The following AGAP1 variants were observed in gnomAD, a reference collection of about 807,000 sequenced individuals.
AGAP1 encodes the protein arf-GAP with GTPase, ANK repeat and PH domain-containing protein 1.
Under a neutral mutation model 105.3 loss-of-function variants are expected in AGAP1, and 29 were observed. The ratio of observed to expected loss-of-function variants is 0.28; its 90% confidence interval spans 0.21 to 0.38. AGAP1 has a LOEUF of 0.38. AGAP1 is among the 10% of genes least tolerant of loss of function. The pLI, the probability that AGAP1 is intolerant of heterozygous loss-of-function variation, is 1.00. For synonymous variants in AGAP1, 509 were observed against 485.9 expected (o/e 1.05, Z -0.63); for missense variants, 998 against 1,165.1 (o/e 0.86, Z 2.09).
intron 13 of AGAP1, among the ~76,000 whole-genome samples, chr2:235,998,687 G>A (rs1189975525): frequency 6.7e-6 from 1 of 150,176 alleles, no homozygotes; most frequent in Non-Finnish European, 1.5e-5. Flanking sequence ...GACGATGGTG[G>A]TGGTGGTAGC....
intron 1 of AGAP1, among the ~76,000 whole-genome samples, chr2:235,676,533 A>G (rs561562663): frequency 0.016 from 2,366 of 152,316 alleles, 64 homozygotes; most frequent in African/African-American, 0.05. Context: ...TACCAGGTAG[A>G]GAAGAGTGAC....
chr2:235,987,698 T>G (rs1466545808), intron 13 of AGAP1, among the ~76,000 whole-genome samples: 2 of 152,214 alleles, frequency 1.3e-5, no homozygotes, highest in Non-Finnish European at 2.9e-5. Context: ...GAGATTCTGG[T>G]AAGTTATCTC....
rs758249032 is a variant in AGAP1 at position 235,872,303 on chromosome 2, T to C, written c.1051-11042T>C. On this transcript the variant is annotated intron_variant, in intron 9 of 17. Transcript: ENST00000304032. This position sits in a 1 kb window ranked among gnomAD's most constrained non-coding sequence, Gnocchi z 4.5. Reference sequence around the variant, plus strand: ...AATAAATGCCGAAGCCACATAGGAGTCAAAGAAAGCGTTAACTGTAATTGA... The same window carrying C: ...AATAAATGCCGAAGCCACATAGGAGCCAAAGAAAGCGTTAACTGTAATTGA... Among the ~76,000 whole-genome samples the C allele has an allele frequency of 2.5e-4, 38 of 150,258 alleles. No individual in the cohort carries two copies. Among genetic ancestry groups the C allele is most frequent in the Non-Finnish European group, 4.9e-4 (33 of 67,518 alleles).
chr2:235,500,433 C>T (rs765936523), intron 1 of AGAP1, among the ~76,000 whole-genome samples: 2 of 152,190 alleles, frequency 1.3e-5, no homozygotes, highest in Non-Finnish European at 2.9e-5. Context: ...ATGCGGATGC[C>T]CTGGTCCAGG....
At chr2:235,529,842 C>T (rs1174613483) in intron 1 of AGAP1, among the ~76,000 whole-genome samples, 1 of 152,160 alleles carries the variant, frequency 6.6e-6, no homozygotes, top group Non-Finnish European at 1.5e-5. Context: ...GAGCTTGGAG[C>T]TGGGGTTGTA....
chr2:235,551,836 A>G lies in AGAP1; in HGVS notation c.163+56987A>G, dbSNP rs1461194215. 6.6e-6 allele frequency among the ~76,000 whole-genome samples: 1 copy of G among 152,156 alleles called. No homozygotes were observed. Among genetic ancestry groups the G allele is most frequent in the Admixed American group, 6.5e-5 (1 of 15,268 alleles). ...AGAAAGAGGGTCCTCTGGAGAACAC[A>G]AACTGAGCGTTGCTGGGCCTCAGGA... is the stretch of plus-strand genomic sequence containing the variant. On this transcript the variant is annotated intron_variant, in intron 1 of 17. Transcript: ENST00000304032. The surrounding 1 kb of genome is among the most constrained non-coding windows in gnomAD (Gnocchi z 4.8).
intron 1 of AGAP1, among the ~76,000 whole-genome samples, chr2:235,651,655 C>T (rs1947599259): frequency 6.6e-6 from 1 of 152,066 alleles, no homozygotes; most frequent in South Asian, 2.1e-4. Context: ...GGTGGGTGGG[C>T]TGGGAGTGAG....
rs1955292037 is a variant in AGAP1 at position 235,769,981 on chromosome 2, T to C, written c.673+19493T>C. Among the ~76,000 whole-genome samples the C allele has an allele frequency of 6.6e-6, 1 of 152,236 alleles. No individual in the cohort carries two copies. The highest frequency in any genetic ancestry group is 6.5e-5 in the Admixed American group (1 of 15,286). ...ATTAGCAAGTGTATCTCATATCTTC[T>C]GAATACACACATTTAAACATGTTTT... On this transcript the variant is annotated intron_variant, in intron 6 of 17. Transcript: ENST00000304032. The surrounding 1 kb of genome is among the most constrained non-coding windows in gnomAD (Gnocchi z 4.4).
intron 1 of AGAP1, among the ~76,000 whole-genome samples, chr2:235,561,960 T>G (rs1944167846): frequency 6.6e-6 from 1 of 152,196 alleles, no homozygotes; most frequent in Admixed American, 6.5e-5. Context: ...ATGGACTATC[T>G]TGAGGTTTTT....
intron 1 of AGAP1, among the ~76,000 whole-genome samples, chr2:235,637,429 T>C (rs938001048): frequency 6.6e-6 from 1 of 151,612 alleles, no homozygotes; most frequent in African/African-American, 2.4e-5. Flanking sequence ...CATGCCACCA[T>C]GCCTAGCTAA....
chr2:236,092,393 GTTTGT>G lies in AGAP1; in HGVS notation c.2115-27786_2115-27782del, dbSNP rs967518116. ...TCTGTATTATTTCTTTTTCTTTTTT[GTTTGT>G]TTTGTTTTGTTTGTGACAGAGTCTC... On this transcript the variant is annotated intron_variant, in intron 16 of 17. Coordinates refer to ENST00000304032, the MANE Select transcript of AGAP1 (RefSeq NM_001037131.3). The surrounding 1 kb of genome is among the most constrained non-coding windows in gnomAD (Gnocchi z 4.7). Among the ~76,000 whole-genome samples, 1 of 151,858 alleles carries G rather than the reference GTTTGT, an allele frequency of 6.6e-6. No homozygotes were observed. Among genetic ancestry groups the G allele is most frequent in the Non-Finnish European group, 1.5e-5 (1 of 67,950 alleles).
chr2:235,993,065 A>G lies in AGAP1; in HGVS notation c.1645+24442A>G, dbSNP rs538041076. 1.9e-4 allele frequency among the ~76,000 whole-genome samples: 29 copies of G among 152,336 alleles called. No homozygotes were observed. Among genetic ancestry groups the G allele is most frequent in the African/African-American group, 6.7e-4 (28 of 41,580 alleles). Reference sequence around the variant, plus strand: ...AGACATGGACTTTTTTCATATGTACATCTGAAAATGACTTTAGCAGAGATT... The same window carrying G: ...AGACATGGACTTTTTTCATATGTACGTCTGAAAATGACTTTAGCAGAGATT... On this transcript the variant is annotated intron_variant, in intron 13 of 17. Transcript: ENST00000304032. The surrounding 1 kb of genome is among the most constrained non-coding windows in gnomAD (Gnocchi z 5.0).
At chr2:235,770,367 C>A (rs1955341309) in intron 6 of AGAP1, among the ~76,000 whole-genome samples, 1 of 151,952 alleles carries the variant, frequency 6.6e-6, no homozygotes, top group African/African-American at 2.4e-5. Context: ...GATCTCCTGA[C>A]CTCATGATCT....
rs1209094958 is a variant in AGAP1 at position 236,095,727 on chromosome 2, CTT to C, written c.2115-24462_2115-24461del. On this transcript the variant is annotated intron_variant, in intron 16 of 17. Coordinates refer to ENST00000304032, the MANE Select transcript of AGAP1 (RefSeq NM_001037131.3). This position sits in a 1 kb window ranked among gnomAD's most constrained non-coding sequence, Gnocchi z 4.1. ...GACAATGTAAAATTGTGGGAAAAAA[CTT>C]TTAAAAATTTTGACATATGAAGAAG... Among the ~76,000 whole-genome samples, 1 of 152,084 alleles carries C rather than the reference CTT, an allele frequency of 6.6e-6. No homozygotes were observed. Among genetic ancestry groups the C allele is most frequent in the African/African-American group, 2.4e-5 (1 of 41,422 alleles).
rs1336681699 is a variant in AGAP1 at position 235,642,560 on chromosome 2, G to A, written c.164-66619G>A. On this transcript the variant is annotated intron_variant, in intron 1 of 17. Transcript: ENST00000304032. The surrounding 1 kb of genome is among the most constrained non-coding windows in gnomAD (Gnocchi z 4.1). ...CCTTCCACTTGTCCTAACAGCTGTC[G>A]GGACCATCATCCACCAGGGGCCAGC... Among the ~76,000 whole-genome samples, 3 of 152,030 alleles carry A rather than the reference G, an allele frequency of 2.0e-5. No individual in the cohort carries two copies. Among genetic ancestry groups the A allele is most frequent in the Non-Finnish European group, 4.4e-5 (3 of 67,996 alleles).
chr2:236,047,598 C>CTTTTTTTTTTTTT lies in AGAP1; in HGVS notation c.1892-1451_1892-1439dup, dbSNP rs59007077. 9.8e-4 allele frequency among the ~76,000 whole-genome samples: 67 copies of CTTTTTTTTTTTTT among 68,284 alleles called. 6 individuals are homozygous for CTTTTTTTTTTTTT. The highest frequency in any genetic ancestry group is 2.4e-3 in the East Asian group (4 of 1,680). The allele number at this position is 68,284 out of a possible 152,430, so 44.8% of individuals were successfully genotyped here. The stretch of plus-strand genomic sequence containing the variant: ...GTCACAGACCTCTCTTCTCACATTT[C>CTTTTTTTTTTTTT]TTTTTTTTTTTTTTTTTTTTTTGAG... On this transcript the variant is annotated intron_variant, in intron 15 of 17. Transcript: ENST00000304032.
Position 235,609,353 on chromosome 2 carries a change from G to A in AGAP1, c.164-99826G>A, listed in dbSNP as rs547806405. 1.3e-3 allele frequency among the ~76,000 whole-genome samples: 199 copies of A among 152,272 alleles called. 1 individual carries two copies. The highest frequency in any genetic ancestry group is 1.6e-3 in the Non-Finnish European group (108 of 68,038). On this transcript the variant is annotated intron_variant, in intron 1 of 17. Coordinates refer to ENST00000304032, the MANE Select transcript of AGAP1 (RefSeq NM_001037131.3). This position sits in a 1 kb window ranked among gnomAD's most constrained non-coding sequence, Gnocchi z 5.1. ...TGTTAAAATGGCCAGAGGACATGGG[G>A]ACATGGGGCAGGGAGAGCTTCAGAA... is the stretch of plus-strand genomic sequence containing the variant.
At position 235,787,271 on chromosome 2, in the gene AGAP1, T is replaced by G. The variant is rs1038838395; in HGVS notation, c.674-10488T>G. On this transcript the variant is annotated intron_variant, in intron 6 of 17. Coordinates refer to ENST00000304032, the MANE Select transcript of AGAP1 (RefSeq NM_001037131.3). This position sits in a 1 kb window ranked among gnomAD's most constrained non-coding sequence, Gnocchi z 4.4. Reference sequence around the variant, plus strand: ...AAAGCTTTTCTTCATCACGTGCTAATGACTTCCTGTTCCACAGGCGTAACA... The same window carrying G: ...AAAGCTTTTCTTCATCACGTGCTAAGGACTTCCTGTTCCACAGGCGTAACA... Among the ~76,000 whole-genome samples, 1 of 152,236 alleles carries G rather than the reference T, an allele frequency of 6.6e-6. No homozygotes were observed.
chr2:235,831,238 C>T (rs149659980), intron 9 of AGAP1, among the ~76,000 whole-genome samples: 144 of 149,904 alleles, frequency 9.6e-4, no homozygotes, highest in Middle Eastern at 3.5e-3. Flanking sequence ...TTTTAGGTCA[C>T]GGCAAAGTTG....
Sources: allele counts gnomAD v4.1 joint callset (sites outside exome capture counted in the v4.1 genomes callset), GRCh38; gene constraint gnomAD v4.1.1; non-coding constraint Gnocchi (gnomAD v3.1); transcripts MANE v1.5; gene names NCBI Gene and HGNC (gene_info 2026-07-23, HGNC 2026-07-21).